ANKMY1: variants seen among roughly 807,000 people sequenced by gnomAD.
ANKMY1 encodes ankyrin repeat and MYND domain containing 1.
In ANKMY1, 98 loss-of-function variants were observed where a neutral mutation model predicts 102.0. The ratio of observed to expected loss-of-function variants is 0.96; its 90% CI spans 0.82 to 1.14. The LOEUF is 1.14. ANKMY1 is among the 50% of genes most tolerant of loss of function. ANKMY1 has a pLI of 0.00. For synonymous variants in ANKMY1, 582 were observed against 559.9 expected, an observed-to-expected ratio of 1.04 and a Z score of -0.56; for missense variants, 1,330 against 1,347.6, an observed-to-expected ratio of 0.99 and a Z score of 0.20.
At chr2:240,549,413 T>C (rs1183680127) in intron 4 of ANKMY1, among the ~76,000 whole-genome samples, 2 of 152,136 alleles carry the variant, frequency 1.3e-5, no homozygotes, top group Non-Finnish European at 2.9e-5. Flanking sequence ...ATAAAAACCC[T>C]AGAAGAAACC....
chr2:240,553,915 G>C (rs1311335939), intron 3 of ANKMY1: 1 of 152,098 alleles, frequency 6.6e-6, no homozygotes, highest in Non-Finnish European at 1.5e-5. Context: ...AAAAGAATGT[G>C]ACATTCATGA....
intron 15 of ANKMY1, among the ~76,000 whole-genome samples, chr2:240,487,628 C>T (rs1040228995): frequency 4.6e-5 from 7 of 152,044 alleles, no homozygotes; most frequent in South Asian, 4.1e-4. Context: ...TCCTTTCTAC[C>T]GTCTGTCATT....
At chr2:240,493,136 A>G (rs2076839698) in intron 15 of ANKMY1, among the ~76,000 whole-genome samples, 1 of 149,104 alleles carries the variant, frequency 6.7e-6, no homozygotes, top group Non-Finnish European at 1.5e-5. Context: ...AGCCTGACCA[A>G]TATGGTGAAA....
chr2:240,497,199 G>T (rs1298185178), intron 15 of ANKMY1, among the ~76,000 whole-genome samples: 2 of 150,558 alleles, frequency 1.3e-5, no homozygotes, highest in Non-Finnish European at 3.0e-5. Flanking sequence ...CCACCTCCTC[G>T]CCATCTTGGA....
At chr2:240,518,255 T>C (rs367766505) in intron 9 of ANKMY1, among the ~76,000 whole-genome samples, 2 of 152,264 alleles carry the variant, frequency 1.3e-5, no homozygotes, top group African/African-American at 2.4e-5. Context: ...CCAGCAGTCC[T>C]CCTAAATAGT....
chr2:240,496,352 T>TTAGATAGA (rs55671912), intron 15 of ANKMY1, among the ~76,000 whole-genome samples: 10 of 147,528 alleles, frequency 6.8e-5, no homozygotes, highest in Admixed American at 1.4e-4. Context: ...GGTACTCTAA[T>TTAGATAGA]TAGATAGATA....
At chr2:240,483,011 G>T (rs1263821081) in intron 15 of ANKMY1, among the ~76,000 whole-genome samples, 9 of 152,150 alleles carry the variant, frequency 5.9e-5, no homozygotes, top group Non-Finnish European at 1.0e-4. Flanking sequence ...CTTCCTAACT[G>T]ATGATCCTTT....
intron 8 of ANKMY1, 39 bp downstream of exon 8, chr2:240,523,846 G>C: frequency 6.3e-7 from 1 of 1,595,004 alleles, no homozygotes. Flanking sequence ...CAGCCCTGAT[G>C]GTGGCCCTCC....
chr2:240,512,463 G>A (rs1195711867), intron 10 of ANKMY1, among the ~76,000 whole-genome samples: 1 of 152,230 alleles, frequency 6.6e-6, no homozygotes, highest in African/African-American at 2.4e-5. Context: ...CTGGGGACAT[G>A]GAACTGGCCT....
intron 15 of ANKMY1, among the ~76,000 whole-genome samples, chr2:240,495,182 G>A (rs531474735): frequency 3.3e-5 from 5 of 152,218 alleles, no homozygotes; most frequent in African/African-American, 7.2e-5. Context: ...GTTACCAAGC[G>A]GACCGTGGTC....
At position 240,557,201 on chromosome 2, in the gene ANKMY1, G is replaced by T; in HGVS notation, c.135C>A (p.Val45=). 1 of 1,547,588 alleles carries T rather than the reference G, an allele frequency of 6.5e-7. No homozygotes were observed. Among genetic ancestry groups the T allele is most frequent in the East Asian group, 2.4e-5 (1 of 41,360 alleles). ...AGGGTCCCCCGCACCTTGTGGCGAAGACAGCGTAGTTCTTCAGGGACCCCG... is the reference window on the plus strand; with the variant it reads ...AGGGTCCCCCGCACCTTGTGGCGAATACAGCGTAGTTCTTCAGGGACCCCG... ...EEPGSLKNYA[V]FATRDVSAAP... Residue 45 remains valine (V), a synonymous_variant, in exon 2 of 18, where the codon GTC becomes GTA. Transcript: ENST00000401804.
rs143446586 is a variant in ANKMY1, at chr2:240,494,198, C to T, written c.2806+5760G>A. 3.6e-4 allele frequency among the ~76,000 whole-genome samples: 55 copies of T among 152,238 alleles called. No homozygotes were observed. In the East Asian group the frequency reaches 0.01, roughly 29 times the overall value. ...GAGTGGGCATGGAGTGATCTTCAGG[C>T]AGGTGGAGTGCTCAGGTGAGAGATG... On this transcript the variant is annotated intron_variant, in intron 15 of 17. Coordinates refer to ENST00000401804, the MANE Select transcript of ANKMY1 (RefSeq NM_001282771.3).
At chr2:240,469,693 T>C in the ANKMY1 span, among the ~76,000 whole-genome samples, 3 of 122,904 alleles carry the variant, frequency 2.4e-5, no homozygotes, top group Non-Finnish European at 3.7e-5. Context: ...AACGAACACA[T>C]ACAACACCCT....
At chr2:240,477,040 C>T (rs546107405), downstream of ANKMY1, among the ~76,000 whole-genome samples, 12 of 152,324 alleles carry the variant, frequency 7.9e-5, no homozygotes, top group East Asian at 1.9e-4. Context: ...CAGTGGAGGC[C>T]GGGCGCAGTG....
At chr2:240,479,710 C>T in intron 17 of ANKMY1, 55 bp from the exon 18 acceptor site, 2 of 1,542,154 alleles carry the variant, frequency 1.3e-6, no homozygotes, top group East Asian at 2.2e-5. Context: ...GCTGGCCTCC[C>T]CCGAGGCCTG....
Position 240,499,876 on chromosome 2 carries a change from C to CGTATCATTAAAAA in ANKMY1, c.2806+81_2806+82insTTTTTAATGATAC. On this transcript the variant is annotated intron_variant, in intron 15 of 17. Coordinates refer to ENST00000401804, the MANE Select transcript of ANKMY1 (RefSeq NM_001282771.3). This position sits in a 1 kb window ranked among gnomAD's most constrained non-coding sequence, Gnocchi z 4.2. ...GCCCCTCCAAGAGCCCCAGGGGGTC[C>CGTATCATTAAAAA]AGATCTCCAGGGATAACAGCCCCAG... 1 of 1,476,126 alleles carries CGTATCATTAAAAA rather than the reference C, an allele frequency of 6.8e-7. No individual in the cohort carries two copies. The highest frequency in any genetic ancestry group is 1.4e-5 in the South Asian group (1 of 73,146). 91.4% of individuals were successfully genotyped at this position (1,476,126 alleles called of 1,614,324 possible).
At chr2:240,527,355 T>A (rs553804929) in intron 5 of ANKMY1, 1 of 142,432 alleles carries the variant, frequency 7.0e-6, no homozygotes, top group Non-Finnish European at 1.5e-5. Context: ...AATGGATGGT[T>A]GGATGAATGG....
the ANKMY1 span, among the ~76,000 whole-genome samples, chr2:240,468,725 C>G: frequency 1.3e-5 from 2 of 152,196 alleles, no homozygotes; most frequent in Non-Finnish European, 2.9e-5. Flanking sequence ...CATCTGGGAC[C>G]CAGGAATAGA....
chr2:240,511,876 C>A lies in ANKMY1; in HGVS notation c.2271G>T (p.Arg757=), dbSNP rs774535110. 1 of 1,590,544 alleles carries A rather than the reference C, an allele frequency of 6.3e-7. No individual in the cohort carries two copies. Among genetic ancestry groups the A allele is most frequent in the South Asian group, 1.1e-5 (1 of 90,574 alleles). ...CTGCCCTCACCTTGTTGTCATCCTC[C>A]CGCTCGCAGGCCATGTGCAGAGCCG... ...GRTALHMACE[R]EDDNKCARDI... The change falls in exon 11 of 18, where the codon CGG becomes CGT. Residue 757 remains arginine, a synonymous_variant. Coordinates refer to ENST00000401804, the MANE Select transcript of ANKMY1 (RefSeq NM_001282771.3).
Sources: allele counts gnomAD v4.1 joint callset (sites outside exome capture counted in the v4.1 genomes callset), GRCh38; gene constraint gnomAD v4.1.1; non-coding constraint Gnocchi (gnomAD v3.1); transcripts MANE v1.5; gene names NCBI Gene and HGNC (gene_info 2026-07-23, HGNC 2026-07-21).